The following ANO2 variants were observed in gnomAD, a reference collection of about 807,000 sequenced individuals.
ANO2 encodes anoctamin-2.
In ANO2, 101 loss-of-function variants were observed where a neutral mutation model predicts 124.2. The observed-to-expected ratio is 0.81, with a 90% CI of 0.69 to 0.96. The LOEUF (loss-of-function observed/expected upper bound fraction) is 0.96. Among genes scored for constraint, ANO2 ranks in the 40% least tolerant of loss-of-function variants. The pLI is 0.00. For synonymous variants in ANO2, 486 were observed against 482.5 expected (o/e 1.01, Z -0.09); for missense variants, 1,293 against 1,274.5 (o/e 1.01, Z -0.22).
At chr12:5,680,012 T>C (rs1948423352) in intron 14 of ANO2, among the ~76,000 whole-genome samples, 1 of 152,164 alleles carries the variant, frequency 6.6e-6, no homozygotes, top group Admixed American at 6.5e-5. Context: ...TTGGAAGCCA[T>C]TATTCTCGGC....
At chr12:5,589,491 G>A (rs532414497) in intron 20 of ANO2, among the ~76,000 whole-genome samples, 4 of 152,238 alleles carry the variant, frequency 2.6e-5, no homozygotes, top group Admixed American at 2.0e-4. Flanking sequence ...GTTAGCCTAG[G>A]TAAGAGAAAG....
intron 3 of ANO2, chr12:5,856,652 C>T (rs554177214): frequency 6.6e-6 from 1 of 152,296 alleles, no homozygotes; most frequent in Admixed American, 6.5e-5. Context: ...TGGACACAGA[C>T]ATTTTAGACC....
At chr12:5,797,623 G>C (rs1198680504) in intron 10 of ANO2, among the ~76,000 whole-genome samples, 6 of 152,082 alleles carry the variant, frequency 3.9e-5, no homozygotes, top group Non-Finnish European at 7.3e-5. Context: ...GTTTCTTGAG[G>C]TCAGAGAGTT....
chr12:5,603,816 G>A (rs968960178), intron 19 of ANO2, among the ~76,000 whole-genome samples: 2 of 151,740 alleles, frequency 1.3e-5, no homozygotes, highest in African/African-American at 4.8e-5. Flanking sequence ...ACGGTGGTGG[G>A]CGCCTGTAGT....
intron 3 of ANO2, among the ~76,000 whole-genome samples, chr12:5,907,709 T>C (rs562666260): frequency 6.6e-6 from 1 of 152,290 alleles, no homozygotes; most frequent in East Asian, 1.9e-4. Flanking sequence ...TTATGACACA[T>C]TACAATTCAT....
chr12:5,571,908 A>G (rs1397041521), intron 23 of ANO2, among the ~76,000 whole-genome samples: 1 of 152,120 alleles, frequency 6.6e-6, no homozygotes, highest in African/African-American at 2.4e-5. Context: ...ACCCTTATCA[A>G]TCTAGGAAAC....
At chr12:5,742,674 C>T (rs1394093881) in intron 12 of ANO2, among the ~76,000 whole-genome samples, 1 of 152,188 alleles carries the variant, frequency 6.6e-6, no homozygotes, top group East Asian at 1.9e-4. Flanking sequence ...TATTAGGCTT[C>T]AGCAACTCAA....
At position 5,744,222 on chromosome 12, in the gene ANO2, G is replaced by A. The variant is rs202039188; in HGVS notation, c.1286C>T (p.Ala429Val). 5.9e-5 allele frequency: 96 copies of A among 1,613,830 alleles called. No individual in the cohort carries two copies. The highest frequency in any genetic ancestry group is 4.9e-4 in the African/African-American group (37 of 74,890). The change falls in exon 12 of 25, where the codon GCG becomes GTG. Residue 429 changes from alanine to valine, a missense_variant. Transcript: ENST00000682330. Reference protein sequence around the residue: ...YWNLSSACGTAQASHLFDNPA... With the variant: ...YWNLSSACGTVQASHLFDNPA... ...GTTGTCAAACAGGTGGCTGGCCTGC[G>A]CGGTCCCACAGGCTGAGCTGAGGTT...
chr12:5,775,388 C>T (rs1297408808), intron 10 of ANO2, among the ~76,000 whole-genome samples: 1 of 151,360 alleles, frequency 6.6e-6, no homozygotes, highest in Non-Finnish European at 1.5e-5. Flanking sequence ...AAAAATTATA[C>T]AAGAATAAAG....
chr12:5,633,886 G>A (rs1001047573), intron 16 of ANO2, among the ~76,000 whole-genome samples: 6 of 152,092 alleles, frequency 3.9e-5, no homozygotes, highest in African/African-American at 1.4e-4. Context: ...CCTTTGCCAG[G>A]AATCTTCCTC....
intron 3 of ANO2, among the ~76,000 whole-genome samples, chr12:5,899,391 T>C (rs1479061733): frequency 6.6e-6 from 1 of 152,178 alleles, no homozygotes; most frequent in African/African-American, 2.4e-5. Flanking sequence ...GATTCTGAGA[T>C]GCTCACTCAG....
intron 10 of ANO2, among the ~76,000 whole-genome samples, chr12:5,771,170 G>A (rs1952068507): frequency 1.3e-5 from 2 of 152,162 alleles, no homozygotes; most frequent in Admixed American, 1.3e-4. Flanking sequence ...GCATAGCAGT[G>A]GCTTAATAAG....
chr12:5,800,447 T>G (rs1034306286), intron 9 of ANO2, among the ~76,000 whole-genome samples: 61 of 152,348 alleles, frequency 4.0e-4, no homozygotes, highest in African/African-American at 1.4e-3. Flanking sequence ...CTCTGGCTGC[T>G]GTGTGGAGAA....
intron 12 of ANO2, chr12:5,739,896 T>C (rs1273074839): frequency 2.2e-6 from 1 of 456,286 alleles, no homozygotes; most frequent in Non-Finnish European, 4.4e-6. Flanking sequence ...AACAGTCTCC[T>C]AACAGTTCTA....
intron 16 of ANO2, among the ~76,000 whole-genome samples, chr12:5,623,607 C>T (rs1218581755): frequency 1.3e-5 from 2 of 152,094 alleles, no homozygotes; most frequent in African/African-American, 2.4e-5. Flanking sequence ...CTGAAAGTCC[C>T]CAGAGCTCCA....
At chr12:5,599,752 T>C in intron 19 of ANO2, 123 bp from the exon 20 acceptor site, 3 of 1,069,392 alleles carry the variant, frequency 2.8e-6, no homozygotes, top group Non-Finnish European at 1.4e-6. Flanking sequence ...CAAAAACAAG[T>C]AGAGATAGAG....
intron 14 of ANO2, among the ~76,000 whole-genome samples, chr12:5,672,629 A>G (rs2136989639): frequency 6.6e-6 from 1 of 152,150 alleles, no homozygotes; most frequent in African/African-American, 2.4e-5. Flanking sequence ...ACATGTGTGT[A>G]TGTCTCTGTG....
intron 1 of ANO2, among the ~76,000 whole-genome samples, chr12:5,939,754 G>C (rs570744488): frequency 1.3e-5 from 2 of 152,210 alleles, no homozygotes; most frequent in Non-Finnish European, 2.9e-5. Context: ...GCCAGAAGTA[G>C]CACATGTCAC....
chr12:5,903,661 G>A (rs1043868889), intron 3 of ANO2, among the ~76,000 whole-genome samples: 1 of 151,664 alleles, frequency 6.6e-6, no homozygotes, highest in African/African-American at 2.4e-5. Context: ...GTGTGTGTGT[G>A]TGTGTGTGTG....
Sources: allele counts gnomAD v4.1 joint callset (sites outside exome capture counted in the v4.1 genomes callset), GRCh38; gene constraint gnomAD v4.1.1; transcripts MANE v1.5; gene names NCBI Gene and HGNC (gene_info 2026-07-23, HGNC 2026-07-21).